LIMD1: variants seen among roughly 807,000 people sequenced by gnomAD.
LIMD1 encodes LIM domain containing 1, also known as LIM domain-containing protein 1.
In LIMD1, 23 loss-of-function variants were observed where a neutral mutation model predicts 58.4. The ratio of observed to expected loss-of-function variants is 0.39; its 90% CI spans 0.28 to 0.56. The LOEUF (loss-of-function observed/expected upper bound fraction) is 0.56, where lower values mean the gene tolerates loss of function less well. Among genes scored for constraint, LIMD1 ranks in the 20% least tolerant of loss-of-function variants. The pLI, the probability that LIMD1 is intolerant of heterozygous loss-of-function variation, is 0.57. For synonymous variants in LIMD1, 334 were observed against 345.5 expected (o/e 0.97, Z 0.37); for missense variants, 838 against 855.5 (o/e 0.98, Z 0.25).
intron 2 of LIMD1, among the ~76,000 whole-genome samples, chr3:45,657,524 C>CAAAAA (rs71617901): frequency 1.0e-5 from 1 of 99,606 alleles, no homozygotes; most frequent in African/African-American, 4.0e-5. Flanking sequence ...GACGCTGTCT[C>CAAAAA]AAAAAAAAAA....
At chr3:45,674,649 G>T (rs1697644005) in intron 7 of LIMD1, 1 of 450,650 alleles carries the variant, frequency 2.2e-6, no homozygotes, top group Non-Finnish European at 4.1e-6. Context: ...GCAACTGTTG[G>T]AGCTGCTCTC....
intron 2 of LIMD1, among the ~76,000 whole-genome samples, chr3:45,655,071 C>A (rs1702015775): frequency 6.6e-6 from 1 of 151,932 alleles, no homozygotes; most frequent in Non-Finnish European, 1.5e-5. Context: ...AGGCTCACGC[C>A]ACCAGGCCTG....
chr3:45,638,840 G>C (rs758358078), intron 2 of LIMD1, among the ~76,000 whole-genome samples: 3 of 152,120 alleles, frequency 2.0e-5, no homozygotes, highest in Non-Finnish European at 4.4e-5. Context: ...TGGCCATTTT[G>C]TGGTTTTGAT....
rs35200671 is a variant in LIMD1 at position 45,635,943 on chromosome 3, T to TA, written c.1409-204dup. The stretch of plus-strand genomic sequence containing the variant: ...ACAGTGGGGCAGGGAAAGTGGGACC[T>TA]AAAGTCCAGCCTGGTAGCTGTTTTC... On this transcript the variant is annotated intron_variant, in intron 1 of 7. Coordinates refer to ENST00000273317, the MANE Select transcript of LIMD1 (RefSeq NM_014240.3). The TA allele has an allele frequency of 3.8e-5, 37 of 985,096 alleles. 1 individual carries two copies. The highest frequency in any genetic ancestry group is 4.2e-5 in the Non-Finnish European group (35 of 829,856). 61.0% of individuals were successfully genotyped at this position (985,096 alleles called of 1,614,324 possible).
At chr3:45,630,110 T>G (rs191832301) in intron 1 of LIMD1, among the ~76,000 whole-genome samples, 1 of 152,238 alleles carries the variant, frequency 6.6e-6, no homozygotes, top group Admixed American at 6.5e-5. Context: ...CTCACTTCCC[T>G]TCTGGTTTTT....
chr3:45,597,772 T>C (rs1374516822), intron 1 of LIMD1, among the ~76,000 whole-genome samples: 1 of 152,110 alleles, frequency 6.6e-6, no homozygotes, highest in African/African-American at 2.4e-5. Flanking sequence ...AGTCTACGCT[T>C]ATTCTCCGTG....
intron 2 of LIMD1, among the ~76,000 whole-genome samples, chr3:45,649,734 ATATATT>A (rs1701945350): frequency 6.9e-6 from 1 of 145,292 alleles, no homozygotes; most frequent in South Asian, 2.1e-4. Flanking sequence ...AATTATATAG[ATATATT>A]TATATATAAT....
chr3:45,652,899 C>A (rs1701990073), intron 2 of LIMD1, among the ~76,000 whole-genome samples: 1 of 152,168 alleles, frequency 6.6e-6, no homozygotes, highest in Non-Finnish European at 1.5e-5. Flanking sequence ...AAATGGAAAA[C>A]TAACTATAAG....
chr3:45,676,096 T>G (rs1697666305), intron 7 of LIMD1, among the ~76,000 whole-genome samples: 1 of 151,966 alleles, frequency 6.6e-6, no homozygotes, highest in African/African-American at 2.4e-5. Flanking sequence ...ATACAAAAAT[T>G]AGCCAGATGT....
At chr3:45,641,352 A>G (rs910641988) in intron 2 of LIMD1, among the ~76,000 whole-genome samples, 1 of 151,932 alleles carries the variant, frequency 6.6e-6, no homozygotes, top group East Asian at 1.9e-4. Context: ...TCTGTTCTTT[A>G]TCTTATCTTG....
At chr3:45,647,917 C>G (rs1701923079) in intron 2 of LIMD1, among the ~76,000 whole-genome samples, 1 of 152,146 alleles carries the variant, frequency 6.6e-6, no homozygotes. Flanking sequence ...TCACCCTTAG[C>G]CTCCATCACC....
chr3:45,653,955 C>G (rs1168094831), intron 2 of LIMD1, among the ~76,000 whole-genome samples: 1 of 144,730 alleles, frequency 6.9e-6, no homozygotes, highest in Non-Finnish European at 1.5e-5. Context: ...AGAACCTATT[C>G]TAGAAAAGCT....
At chr3:45,596,863 C>CTTT (rs1244008902) in intron 1 of LIMD1, among the ~76,000 whole-genome samples, 3,610 of 135,998 alleles carry the variant, frequency 0.027, 180 homozygotes, top group African/African-American at 0.093. Context: ...AGCAGTGGAT[C>CTTT]TTTTTTTTTT....
intron 1 of LIMD1, among the ~76,000 whole-genome samples, chr3:45,603,068 T>A (rs1379706476): frequency 6.6e-6 from 1 of 152,190 alleles, no homozygotes; most frequent in African/African-American, 2.4e-5. Context: ...CTTGAGCTCC[T>A]GACCTCAGGT....
At chr3:45,661,825 C>T (rs2125667532) in intron 2 of LIMD1, among the ~76,000 whole-genome samples, 1 of 152,352 alleles carries the variant, frequency 6.6e-6, no homozygotes, top group African/African-American at 2.4e-5. Context: ...CAGACGTGAT[C>T]TCAGCTCACT....
rs1701346659 is a variant in LIMD1, at chr3:45,596,111, A to T, written c.1232A>T (p.Asp411Val). ...GAGGGTCCCCTGGGCTGGTCTTCTG[A>T]TGGTAGCCTGGGATCTGTGCTCCTG... ...CKEGPLGWSS[D>V]GSLGSVLLDS... The change falls in exon 1 of 8, where the codon GAT becomes GTT. Residue 411 changes from aspartate (D) to valine (V), a missense_variant. Physicochemically the swap from Asp to Val is radical, Grantham distance 152. Coordinates refer to ENST00000273317, the MANE Select transcript of LIMD1 (RefSeq NM_014240.3). 6.2e-7 allele frequency: 1 copy of T among 1,613,994 alleles called. No individual in the cohort carries two copies. Among genetic ancestry groups the T allele is most frequent in the Non-Finnish European group, 8.5e-7 (1 of 1,180,020 alleles).
intron 1 of LIMD1, among the ~76,000 whole-genome samples, chr3:45,632,097 C>T (rs913809492): frequency 3.3e-5 from 5 of 152,254 alleles, no homozygotes; most frequent in East Asian, 3.9e-4. Context: ...TTTTACACCA[C>T]GTTTGTGAGC....
At chr3:45,630,210 C>A (rs112949595) in intron 1 of LIMD1, among the ~76,000 whole-genome samples, 24 of 152,284 alleles carry the variant, frequency 1.6e-4, no homozygotes, top group African/African-American at 5.8e-4. Flanking sequence ...GGGGCCCTGG[C>A]AAAGCCAAGG....
At chr3:45,632,452 C>T in intron 1 of LIMD1, 1 of 919,938 alleles carries the variant, frequency 1.1e-6, no homozygotes, top group Admixed American at 6.2e-5. Context: ...TGCACTCTGT[C>T]TGTGGCTGGG....
Sources: gnomAD v4.1 joint callset for allele counts (sites outside exome capture counted in the v4.1 genomes callset) on GRCh38, gnomAD v4.1.1 for gene constraint, MANE v1.5 for transcripts, NCBI Gene and HGNC (gene_info 2026-07-23, HGNC 2026-07-21) for gene names.